The following LRP1B variants were observed in gnomAD, a reference collection of about 807,000 sequenced individuals.
LRP1B encodes LDL receptor related protein 1B, also known as low-density lipoprotein receptor-related protein 1B.
LRP1B carries 217 observed loss-of-function variants against 556.6 expected under a neutral mutation model. The ratio of observed to expected loss-of-function variants is 0.39; its 90% CI spans 0.35 to 0.44. The LOEUF is 0.44. LRP1B is among the 20% of genes least tolerant of loss of function. LRP1B has a pLI of 1.00. For synonymous variants in LRP1B, 2,047 were observed against 1,865.8 expected, an observed-to-expected ratio of 1.10 and a Z score of -2.50; for missense variants, 5,053 against 5,620.8, an observed-to-expected ratio of 0.90 and a Z score of 3.23.
chr2:141,359,737 T>C (rs957475267), intron 3 of LRP1B, among the ~76,000 whole-genome samples: 7 of 151,934 alleles, frequency 4.6e-5, no homozygotes, highest in African/African-American at 1.5e-4. Context: ...GCCTGGGCTA[T>C]AGAGTGAGAA....
Position 140,444,358 on chromosome 2 carries a change from A to AC in LRP1B, c.10265dup (p.Cys3422TrpfsTer3), listed in dbSNP as rs1686561634. ...AGTCTCTTTCATCTTCCTCATCACCACAGTCATCTTGCCCATTACATCTTA... is the reference window on the plus strand; with the variant it reads ...AGTCTCTTTCATCTTCCTCATCACCACCAGTCATCTTGCCCATTACATCTTA... On this transcript the variant is annotated frameshift_variant, in exon 65 of 91. Transcript: ENST00000389484. LOFTEE classifies it high-confidence loss of function. 6.2e-7 allele frequency: 1 copy of AC among 1,613,776 alleles called. No homozygotes were observed. Among genetic ancestry groups the AC allele is most frequent in the Non-Finnish European group, 8.5e-7 (1 of 1,179,884 alleles).
intron 31 of LRP1B, among the ~76,000 whole-genome samples, chr2:140,831,810 C>A (rs1330163821): frequency 1.3e-5 from 2 of 152,044 alleles, no homozygotes; most frequent in East Asian, 3.9e-4. Flanking sequence ...ATAAGGAACT[C>A]AATTCAATAG....
intron 41 of LRP1B, among the ~76,000 whole-genome samples, chr2:140,674,752 C>T (rs1181728884): frequency 2.0e-5 from 3 of 152,212 alleles, no homozygotes; most frequent in Non-Finnish European, 4.4e-5. Context: ...TCATGTTTGG[C>T]TCAGGATAAA....
At chr2:142,007,991 T>C (rs1702850009) in intron 1 of LRP1B, among the ~76,000 whole-genome samples, 1 of 152,200 alleles carries the variant, frequency 6.6e-6, no homozygotes, top group African/African-American at 2.4e-5. Context: ...CTTTATAGTT[T>C]CCTGACAATT....
intron 3 of LRP1B, among the ~76,000 whole-genome samples, chr2:141,437,618 T>G (rs1044413631): frequency 2.6e-5 from 4 of 152,062 alleles, no homozygotes; most frequent in Non-Finnish European, 4.4e-5. Context: ...GCTTAATTTT[T>G]GTATTATCAT....
In LRP1B at chr2:140,457,663, G is replaced by T. The variant is rs767652902; in HGVS notation, c.9626-12C>A. 6.2e-7 allele frequency: 1 copy of T among 1,601,788 alleles called. No homozygotes were observed. On this transcript the variant is annotated splice_polypyrimidine_tract_variant and intron_variant, in intron 60 of 90. Transcript: ENST00000389484. ...ATCTTGATTAGGGACTGTAATAGGA[G>T]ATGGTAAGATTAATGTTCAGTCTTG...
At chr2:141,885,752 C>G (rs1699092215) in intron 1 of LRP1B, among the ~76,000 whole-genome samples, 1 of 152,134 alleles carries the variant, frequency 6.6e-6, no homozygotes. Context: ...TCAATGTATT[C>G]TACTTTCCCA....
At position 140,329,101 on chromosome 2, in the gene LRP1B, TCTC is replaced by T. The variant is rs539840706; in HGVS notation, c.12224-3226_12224-3224del. On this transcript the variant is annotated intron_variant, in intron 79 of 90. Transcript: ENST00000389484. ...ATCAAACTCATGTAATACTACATACTCTCCTTACTGGATGCAAAGCTGGAAAGT... is the reference window on the plus strand; with the variant it reads ...ATCAAACTCATGTAATACTACATACTCTTACTGGATGCAAAGCTGGAAAGT... Among the ~76,000 whole-genome samples, 137 of 152,184 alleles carry T rather than the reference TCTC, an allele frequency of 9.0e-4. 1 individual carries two copies. The highest frequency in any genetic ancestry group is 3.2e-3 in the African/African-American group (133 of 41,560).
At chr2:141,126,037 A>ATTT (rs61318987) in intron 7 of LRP1B, among the ~76,000 whole-genome samples, 3,378 of 144,524 alleles carry the variant, frequency 0.023, 136 homozygotes, top group African/African-American at 0.081. Flanking sequence ...TCTTCCTTTT[A>ATTT]TTTTTTTTTT....
chr2:140,379,024 T>C (rs1045246364), intron 67 of LRP1B, among the ~76,000 whole-genome samples: 4 of 152,188 alleles, frequency 2.6e-5, no homozygotes, highest in African/African-American at 9.6e-5. Flanking sequence ...TTGGAATATG[T>C]TTCATCTGGA....
chr2:141,003,174 T>G (rs1479886674), intron 15 of LRP1B, among the ~76,000 whole-genome samples: 3 of 151,972 alleles, frequency 2.0e-5, no homozygotes, highest in African/African-American at 7.2e-5. Context: ...CAATGCATCA[T>G]AAATAATCCC....
chr2:141,855,290 A>T (rs1698014380), intron 1 of LRP1B, among the ~76,000 whole-genome samples: 1 of 152,108 alleles, frequency 6.6e-6, no homozygotes, highest in Admixed American at 6.6e-5. Context: ...TGCCTAAAGA[A>T]GGGTGAATCT....
chr2:140,706,018 G>A (rs1419399731), intron 37 of LRP1B, among the ~76,000 whole-genome samples: 1 of 152,116 alleles, frequency 6.6e-6, no homozygotes, highest in Non-Finnish European at 1.5e-5. Flanking sequence ...TGTAGAGAAA[G>A]AACCCTCTCC....
chr2:141,879,234 T>C (rs1168806866), intron 1 of LRP1B, among the ~76,000 whole-genome samples: 1 of 151,836 alleles, frequency 6.6e-6, no homozygotes, highest in Non-Finnish European at 1.5e-5. Flanking sequence ...TATTGATTTT[T>C]AAAAAATGTT....
intron 3 of LRP1B, among the ~76,000 whole-genome samples, chr2:141,364,540 T>G (rs1353488938): frequency 2.6e-5 from 4 of 152,198 alleles, no homozygotes; most frequent in African/African-American, 9.6e-5. Flanking sequence ...AAGTGACAAG[T>G]CAGCTTCTTC....
intron 50 of LRP1B, 37 bp downstream of exon 50, chr2:140,516,852 A>G (rs765426868): frequency 6.6e-5 from 106 of 1,599,730 alleles, no homozygotes; most frequent in Non-Finnish European, 8.8e-5. Context: ...AAGTAATAGT[A>G]AGGTTAACAA....
At chr2:142,079,801 C>T (rs114583053) in intron 1 of LRP1B, among the ~76,000 whole-genome samples, 1,663 of 152,066 alleles carry the variant, frequency 0.011, 27 homozygotes, top group African/African-American at 0.038. Flanking sequence ...TGAGCCACTG[C>T]GCCCAGCCTC....
intron 66 of LRP1B, among the ~76,000 whole-genome samples, chr2:140,420,542 A>G (rs1252279647): frequency 6.6e-6 from 1 of 152,252 alleles, no homozygotes; most frequent in Non-Finnish European, 1.5e-5. Context: ...ATGTCCATAC[A>G]AGGACTAATA....
chr2:141,453,285 A>C (rs1681493133), intron 3 of LRP1B, among the ~76,000 whole-genome samples: 1 of 152,136 alleles, frequency 6.6e-6, no homozygotes. Context: ...ATTTCAATAA[A>C]AATAATACAT....
Sources: allele counts gnomAD v4.1 joint callset (sites outside exome capture counted in the v4.1 genomes callset), GRCh38; gene constraint gnomAD v4.1.1; transcripts MANE v1.5; gene names NCBI Gene and HGNC (gene_info 2026-07-23, HGNC 2026-07-21).